GLIS3: variants seen among roughly 807,000 people sequenced by gnomAD.
GLIS3 encodes the protein GLIS family zinc finger 3.
GLIS3 carries 53 observed loss-of-function variants against 78.6 expected under a neutral mutation model. The observed-to-expected ratio is 0.67, with a 90% CI of 0.54 to 0.85. The LOEUF is 0.85. Ranked by LOEUF, GLIS3 falls within the 40% of genes least tolerant of loss-of-function variation. The pLI is 0.00. For synonymous variants in GLIS3, 684 were observed against 509.9 expected (o/e 1.34, Z -4.60); for missense variants, 1,703 against 1,231.1 (o/e 1.38, Z -5.74).
At chr9:4,154,383 G>C (rs925655061) in intron 2 of GLIS3, among the ~76,000 whole-genome samples, 2 of 152,158 alleles carry the variant, frequency 1.3e-5, no homozygotes, top group Admixed American at 6.5e-5. Context: ...GAAATAAAGA[G>C]ATAAATATTA....
chr9:4,081,178 G>C (rs1394973911), intron 4 of GLIS3: 1 of 152,222 alleles, frequency 6.6e-6, no homozygotes, highest in East Asian at 1.9e-4. Flanking sequence ...TACTGTGCTA[G>C]AGGGAAGCAT....
At chr9:4,239,598 T>C (rs906526098) in intron 2 of GLIS3, among the ~76,000 whole-genome samples, 2 of 152,180 alleles carry the variant, frequency 1.3e-5, no homozygotes, top group African/African-American at 4.8e-5. Context: ...GCTCTAGCTT[T>C]CTATAAATTC....
chr9:4,387,644 A>G, the GLIS3 span, among the ~76,000 whole-genome samples: 1 of 152,326 alleles, frequency 6.6e-6, no homozygotes, highest in South Asian at 2.1e-4. Flanking sequence ...ATCTCCTAAA[A>G]TTAAATAGAT....
the GLIS3 span, among the ~76,000 whole-genome samples, chr9:4,437,402 C>CTGTATGTATGTATGTA: frequency 1.2e-3 from 144 of 124,316 alleles, no homozygotes; most frequent in Middle Eastern, 8.1e-3. Flanking sequence ...AGGTATTTGA[C>CTGTATGTATGTATGTA]TGTATGTATG....
At chr9:3,863,572 A>G (rs1297509941) in intron 8 of GLIS3, among the ~76,000 whole-genome samples, 2 of 152,224 alleles carry the variant, frequency 1.3e-5, no homozygotes, top group East Asian at 3.8e-4. Flanking sequence ...AATAATTCAT[A>G]AGGTTGGAAA....
intron 2 of GLIS3, among the ~76,000 whole-genome samples, chr9:4,230,810 C>T (rs1822190382): frequency 6.6e-6 from 1 of 152,286 alleles, no homozygotes; most frequent in Non-Finnish European, 1.5e-5. Context: ...TTCCAAAACA[C>T]ATAAAAGAAT....
intron 2 of GLIS3, among the ~76,000 whole-genome samples, chr9:4,182,090 T>C (rs868431942): frequency 2.0e-5 from 3 of 152,234 alleles, no homozygotes; most frequent in Admixed American, 6.5e-5. Flanking sequence ...AGCTATTACA[T>C]GCCAACGAGA....
chr9:4,090,364 C>A (rs1829393830), intron 4 of GLIS3, among the ~76,000 whole-genome samples: 1 of 151,874 alleles, frequency 6.6e-6, no homozygotes, highest in Non-Finnish European at 1.5e-5. Flanking sequence ...AAAACTGATT[C>A]ACGCTCAATA....
chr9:4,064,511 T>A (rs575637108), intron 4 of GLIS3, among the ~76,000 whole-genome samples: 1 of 152,352 alleles, frequency 6.6e-6, no homozygotes, highest in South Asian at 2.1e-4. Context: ...AAAATATACC[T>A]ACTGGATTTA....
intron 2 of GLIS3, among the ~76,000 whole-genome samples, chr9:4,217,086 C>T (rs1473745531): frequency 1.3e-5 from 2 of 152,174 alleles, no homozygotes; most frequent in African/African-American, 4.8e-5. Flanking sequence ...TCAGCCCCTT[C>T]TGTGATTTCT....
chr9:4,341,676 G>T (rs1255724970), intron 2 of GLIS3, among the ~76,000 whole-genome samples: 1 of 152,166 alleles, frequency 6.6e-6, no homozygotes, highest in South Asian at 2.1e-4. Context: ...CTTACAACCA[G>T]TGCCTCTGGC....
intron 2 of GLIS3, among the ~76,000 whole-genome samples, chr9:4,157,424 A>G (rs1835120995): frequency 6.6e-6 from 1 of 152,182 alleles, no homozygotes; most frequent in African/African-American, 2.4e-5. Context: ...CCTGTTGCAC[A>G]ATGAAATGTT....
the GLIS3 span, among the ~76,000 whole-genome samples, chr9:4,418,464 T>G: frequency 1.3e-5 from 2 of 152,176 alleles, no homozygotes; most frequent in Non-Finnish European, 2.9e-5. Context: ...TTGCAAAGAC[T>G]AGAACAGAAA....
intron 6 of GLIS3, among the ~76,000 whole-genome samples, chr9:3,919,202 A>T (rs1450554587): frequency 6.6e-6 from 1 of 152,224 alleles, no homozygotes; most frequent in Non-Finnish European, 1.5e-5. Flanking sequence ...TCATGCCAAG[A>T]ACTTGTTGAT....
At chr9:3,869,127 C>T (rs571978878) in intron 8 of GLIS3, among the ~76,000 whole-genome samples, 43 of 152,176 alleles carry the variant, frequency 2.8e-4, no homozygotes, top group East Asian at 9.6e-4. Context: ...TAAACACCAG[C>T]GAAAGACAAT....
chr9:4,200,721 G>A (rs1819309419), intron 2 of GLIS3, among the ~76,000 whole-genome samples: 1 of 152,050 alleles, frequency 6.6e-6, no homozygotes, highest in African/African-American at 2.4e-5. Flanking sequence ...AAGGCCAGAT[G>A]GACTCACAGG....
chr9:4,381,915 G>T, the GLIS3 span, among the ~76,000 whole-genome samples: 6 of 152,282 alleles, frequency 3.9e-5, no homozygotes, highest in Middle Eastern at 3.4e-3. Context: ...GCCCTTAATT[G>T]GTCCCGGCTG....
intron 1 of GLIS3, among the ~76,000 whole-genome samples, chr9:4,291,709 G>A (rs1423260178): frequency 6.6e-6 from 1 of 152,078 alleles, no homozygotes; most frequent in East Asian, 1.9e-4. Context: ...AGCATTGAGA[G>A]CCTTCCACAC....
At chr9:4,027,087 G>A (rs1378118235) in intron 4 of GLIS3, among the ~76,000 whole-genome samples, 1 of 152,140 alleles carries the variant, frequency 6.6e-6, no homozygotes, top group Non-Finnish European at 1.5e-5. Context: ...CAATAAATGT[G>A]AGCCAAACCT....
Sources: allele counts gnomAD v4.1 joint callset (sites outside exome capture counted in the v4.1 genomes callset), GRCh38; gene constraint gnomAD v4.1.1; transcripts MANE v1.5; gene names NCBI Gene and HGNC (gene_info 2026-07-23, HGNC 2026-07-21).